DEPDC1: variants seen among roughly 807,000 people sequenced by gnomAD.
The protein encoded by DEPDC1 is DEP domain-containing protein 1A.
In DEPDC1, 66 loss-of-function variants were observed where a neutral mutation model predicts 86.8. The ratio of observed to expected loss-of-function variants is 0.76; its 90% CI spans 0.62 to 0.93. The LOEUF (loss-of-function observed/expected upper bound fraction) is 0.93. DEPDC1 is among the 40% of genes least tolerant of loss of function. The pLI, the probability that DEPDC1 is intolerant of heterozygous loss-of-function variation, is 0.00. For synonymous variants in DEPDC1, 255 were observed against 314.9 expected, an observed-to-expected ratio of 0.81 and a Z score of 2.02; for missense variants, 792 against 935.7, an observed-to-expected ratio of 0.85 and a Z score of 2.00.
chr1:68,479,769 CTCTA>C (rs1172602020), intron 9 of DEPDC1, among the ~76,000 whole-genome samples: 1 of 150,146 alleles, frequency 6.7e-6, no homozygotes, highest in Non-Finnish European at 1.5e-5. Context: ...CACCACTGTA[CTCTA>C]GCCTGGGAAA....
chr1:68,495,919 G>C lies in DEPDC1; in HGVS notation c.48+1033C>G, dbSNP rs183575974. ...GTGCTTATACTACTTTCATCTAATG[G>C]GTTTTAAATAATGTGGCAGGACTAC... is the stretch of plus-strand genomic sequence containing the variant. On this transcript the variant is annotated intron_variant, in intron 1 of 11. Transcript: ENST00000456315. Among the ~76,000 whole-genome samples the C allele has an allele frequency of 1.1e-3, 173 of 152,224 alleles. 1 individual carries two copies. Among genetic ancestry groups the C allele is most frequent in the South Asian group, 0.011 (52 of 4,816 alleles).
intron 9 of DEPDC1, among the ~76,000 whole-genome samples, chr1:68,480,781 C>G (rs567071213): frequency 6.6e-6 from 1 of 151,618 alleles, no homozygotes; most frequent in Non-Finnish European, 1.5e-5. Flanking sequence ...TTTAATAACG[C>G]GTGGAAGAAA....
intron 6 of DEPDC1, 75 bp from the exon 7 acceptor site, chr1:68,484,165 A>C: frequency 8.4e-7 from 1 of 1,189,172 alleles, no homozygotes; most frequent in Non-Finnish European, 1.1e-6. Context: ...TAAAAAGTAT[A>C]AAATCTGTAT....
In DEPDC1 at chr1:68,479,154, T is replaced by C. The variant is rs1305447659; in HGVS notation, c.2102A>G (p.Lys701Arg). 2 of 1,607,942 alleles carry C rather than the reference T, an allele frequency of 1.2e-6. No individual in the cohort carries two copies. Among genetic ancestry groups the C allele is most frequent in the Non-Finnish European group, 8.5e-7 (1 of 1,177,918 alleles). Reference sequence around the variant, plus strand: ...ACTCACAATACTTACATGTCCCTTTTTTAAGTAGTCAAGATGTTTTTCCAC... The same window carrying C: ...ACTCACAATACTTACATGTCCCTTTCTTAAGTAGTCAAGATGTTTTTCCAC... ...TAVEKHLDYL[K>R]KGHIENPGDG... is the part of the protein sequence containing the mutation. The change falls in exon 10 of 12, where the codon AAA becomes AGA. Residue 701 changes from lysine to arginine, a missense_variant. Transcript: ENST00000456315.
At chr1:68,486,801 T>C (rs745309521) in intron 6 of DEPDC1, 136 bp downstream of exon 6, 2 of 1,071,884 alleles carry the variant, frequency 1.9e-6, no homozygotes, top group Non-Finnish European at 2.4e-6. Flanking sequence ...CTTTCATTTA[T>C]AAATAAAGAG....
intron 6 of DEPDC1, among the ~76,000 whole-genome samples, chr1:68,485,617 G>A (rs2100258674): frequency 6.6e-6 from 1 of 152,204 alleles, no homozygotes; most frequent in South Asian, 2.1e-4. Flanking sequence ...AAGACCAGAT[G>A]TCAGAGAAAT....
rs763446549 is a variant in DEPDC1, at chr1:68,482,149, G to C, written c.1659C>G (p.Leu553=). The C allele has an allele frequency of 7.4e-6, 12 of 1,612,838 alleles. No individual in the cohort carries two copies. In the East Asian group the frequency reaches 2.7e-4, roughly 36 times the overall value. ...TSVQTAMESE[L]GESSATINKR... is the part of the protein sequence containing the mutation. ...TATTGATTGTGGCACTAGACTCTCCGAGTTCACTTTCCATAGCTGTTTGCA... is the reference window on the plus strand; with the variant it reads ...TATTGATTGTGGCACTAGACTCTCCCAGTTCACTTTCCATAGCTGTTTGCA... The change falls in exon 8 of 12, where the codon CTC becomes CTG. Residue 553 remains leucine (L), a synonymous_variant. Coordinates refer to ENST00000456315, the MANE Select transcript of DEPDC1 (RefSeq NM_001114120.3).
intron 9 of DEPDC1, among the ~76,000 whole-genome samples, chr1:68,480,029 A>G (rs1340830964): frequency 6.6e-6 from 1 of 151,988 alleles, no homozygotes; most frequent in Non-Finnish European, 1.5e-5. Context: ...AACATATAGA[A>G]CACTTCTATT....
chr1:68,494,010 T>A (rs1383337350), intron 2 of DEPDC1, among the ~76,000 whole-genome samples: 1 of 152,200 alleles, frequency 6.6e-6, no homozygotes, highest in Non-Finnish European at 1.5e-5. Context: ...CTGTTATTTG[T>A]CTGTTATTTA....
At position 68,482,458 on chromosome 1, in the gene DEPDC1, T is replaced by C; in HGVS notation, c.1350A>G (p.Gly450=). 6.2e-7 allele frequency: 1 copy of C among 1,613,004 alleles called. No homozygotes were observed. Among genetic ancestry groups the C allele is most frequent in the Non-Finnish European group, 8.5e-7 (1 of 1,179,308 alleles). The part of the protein sequence containing the change: ...VFHQSFPNIE[G]QNNKLFLESK... The stretch of plus-strand genomic sequence containing the variant: ...ACTCTAAAAACAGTTTATTATTTTG[T>C]CCTTCTATGTTCGGAAAAGATTGAT... The change falls in exon 8 of 12, where the codon GGA becomes GGG. Residue 450 remains glycine (G), a synonymous_variant. Transcript: ENST00000456315.
At position 68,482,545 on chromosome 1, in the gene DEPDC1, A is replaced by G; in HGVS notation, c.1263T>C (p.Cys421=). 1 of 1,613,158 alleles carries G rather than the reference A, an allele frequency of 6.2e-7. No individual in the cohort carries two copies. The highest frequency in any genetic ancestry group is 1.1e-5 in the South Asian group (1 of 91,066). ...DLSSNSKPRC[C]SLEGIVDVPG... is the part of the protein sequence containing the mutation. Reference sequence around the variant, plus strand: ...GCACATCTACAATTCCTTCCAAAGAACAGCACCTTGGTTTGCTGTTAGAGG... The same window carrying G: ...GCACATCTACAATTCCTTCCAAAGAGCAGCACCTTGGTTTGCTGTTAGAGG... The change falls in exon 8 of 12, where the codon TGT becomes TGC. Residue 421 remains cysteine, a synonymous_variant. Transcript: ENST00000456315.
chr1:68,478,437 T>C (rs1646131669), intron 10 of DEPDC1, among the ~76,000 whole-genome samples: 1 of 120,198 alleles, frequency 8.3e-6, no homozygotes, highest in African/African-American at 3.4e-5. Context: ...ATATTTTTAG[T>C]TTTCATGTAT....
In DEPDC1 at chr1:68,496,841, G is replaced by A; in HGVS notation, c.48+111C>T. 1 of 1,081,404 alleles carries A rather than the reference G, an allele frequency of 9.2e-7. No individual in the cohort carries two copies. Among genetic ancestry groups the A allele is most frequent in the Non-Finnish European group, 1.4e-6 (1 of 721,598 alleles). The allele number at this position is 1,081,404 out of a possible 1,614,324, so 67.0% of individuals were successfully genotyped here. On this transcript the variant is annotated intron_variant, in intron 1 of 11. Coordinates refer to ENST00000456315, the MANE Select transcript of DEPDC1 (RefSeq NM_001114120.3). The surrounding 1 kb of genome is among the most constrained non-coding windows in gnomAD (Gnocchi z 4.0). ...CCTTTTCACTGAACCTAGGGATCCT[G>A]GGACTCATCCCTCCGACCGAGGTAA...
Position 68,482,542 on chromosome 1 carries a change from A to G in DEPDC1, c.1266T>C (p.Ser422=), listed in dbSNP as rs766033796. Residue 422 remains serine, a synonymous_variant, in exon 8 of 12, where the codon TCT becomes TCC. Coordinates refer to ENST00000456315, the MANE Select transcript of DEPDC1 (RefSeq NM_001114120.3). ...LSSNSKPRCC[S]LEGIVDVPGN... is the part of the protein sequence containing the mutation. ...CTGGCACATCTACAATTCCTTCCAA[A>G]GAACAGCACCTTGGTTTGCTGTTAG... 6.2e-7 allele frequency: 1 copy of G among 1,613,182 alleles called. No homozygotes were observed. Among genetic ancestry groups the G allele is most frequent in the South Asian group, 1.1e-5 (1 of 91,074 alleles).
intron 7 of DEPDC1, chr1:68,483,118 T>C (rs1571198051): frequency 1.9e-5 from 11 of 570,006 alleles, no homozygotes; most frequent in Non-Finnish European, 2.8e-5. Context: ...ATTTGTAATA[T>C]AACTTTAAAA....
intron 1 of DEPDC1, among the ~76,000 whole-genome samples, chr1:68,494,978 A>G (rs1646255468): frequency 6.6e-6 from 1 of 152,160 alleles, no homozygotes; most frequent in African/African-American, 2.4e-5. Flanking sequence ...CTCCGTCTCT[A>G]CTAAAAATAC....
rs754599557 is a variant in DEPDC1, at chr1:68,482,645, C to A, written c.1163G>T (p.Arg388Ile). 1.9e-6 allele frequency: 3 copies of A among 1,612,798 alleles called. No homozygotes were observed. The South Asian group carries it at 3.3e-5, about 18-fold the overall frequency. Residue 388 changes from arginine to isoleucine, a missense_variant, in exon 8 of 12, where the codon AGA becomes ATA. Arg to Ile is a moderately conservative substitution (Grantham distance 97). Transcript: ENST00000456315. ...CATTATGTCATTAGCACTCACTCTT[C>A]TGTTTCTTAAATTAACTAGCTGCAT... Reference protein sequence around the residue: ...KKMQLVNLRNRRVSANDIMGG... With the variant: ...KKMQLVNLRNIRVSANDIMGG...
intron 2 of DEPDC1, among the ~76,000 whole-genome samples, chr1:68,491,379 AAAG>A (rs1324073382): frequency 1.3e-5 from 2 of 152,214 alleles, no homozygotes; most frequent in African/African-American, 4.8e-5. Flanking sequence ...ACACTTTTCA[AAAG>A]AAGACATATA....
Position 68,483,018 on chromosome 1 carries a change from T to C in DEPDC1, c.911-121A>G, listed in dbSNP as rs542642995. ...TATAGTATATATTGTTAGTATAGTA[T>C]ACACAGTAGTTGCTTAATTCAGAAG... On this transcript the variant is annotated intron_variant, in intron 7 of 11. Coordinates refer to ENST00000456315, the MANE Select transcript of DEPDC1 (RefSeq NM_001114120.3). 2.9e-5 allele frequency: 30 copies of C among 1,045,832 alleles called. No individual in the cohort carries two copies. The East Asian group carries it at 4.5e-4, about 16-fold the overall frequency. 64.8% of individuals were successfully genotyped at this position (1,045,832 alleles called of 1,614,324 possible).
Sources: gnomAD v4.1 joint callset for allele counts (sites outside exome capture counted in the v4.1 genomes callset) on GRCh38, gnomAD v4.1.1 for gene constraint, Gnocchi (gnomAD v3.1) non-coding constraint, MANE v1.5 for transcripts, NCBI Gene and HGNC (gene_info 2026-07-23, HGNC 2026-07-21) for gene names.